Variants in PKHD1L1 observed in about 807,000 individuals in gnomAD.
PKHD1L1 encodes the protein PKHD1 like 1.
PKHD1L1 carries 434 observed loss-of-function variants against 462.9 expected under a neutral mutation model. The observed-to-expected ratio is 0.94, with a 90% CI of 0.87 to 1.02. The LOEUF (loss-of-function observed/expected upper bound fraction) is 1.02. Ranked by LOEUF, PKHD1L1 falls within the 50% of genes least tolerant of loss-of-function variation. The probability of loss-of-function intolerance (pLI) is 0.00; values close to 1 mark genes in which losing one functional copy is unlikely to be tolerated. For synonymous variants in PKHD1L1, 1,781 were observed against 1,750.0 expected, an observed-to-expected ratio of 1.02 and a Z score of -0.44; for missense variants, 5,202 against 5,096.1, an observed-to-expected ratio of 1.02 and a Z score of -0.63.
chr8:109,377,524 G>T (rs1002587804), intron 2 of PKHD1L1, among the ~76,000 whole-genome samples: 2 of 152,056 alleles, frequency 1.3e-5, no homozygotes, highest in African/African-American at 4.8e-5. Flanking sequence ...CGGTTAATTT[G>T]CCTAAAGTAG....
At chr8:109,425,060 T>C (rs1163014667) in intron 23 of PKHD1L1, 25 bp from the exon 24 acceptor site, 10 of 1,520,860 alleles carry the variant, frequency 6.6e-6, no homozygotes, top group Non-Finnish European at 8.8e-6. Flanking sequence ...TTAATCATTT[T>C]ATCAATATTT....
At chr8:109,384,856 C>T (rs564849615) in intron 5 of PKHD1L1, among the ~76,000 whole-genome samples, 1 of 151,858 alleles carries the variant, frequency 6.6e-6, no homozygotes, top group Non-Finnish European at 1.5e-5. Context: ...TTATACATTA[C>T]CTGTTTATCT....
Position 109,435,250 on chromosome 8 carries a change from C to T in PKHD1L1, c.3401C>T (p.Ser1134Phe), listed in dbSNP as rs1815340478. ...GCTGGACATGCCCCCGTTGCTGTGT[C>T]CATGGCTGATGTTGGACTAGCACAG... ...GSAGHAPVAV[S>F]MADVGLAQNV... is the part of the protein sequence containing the mutation. Residue 1134 changes from serine to phenylalanine, a missense_variant, in exon 29 of 78, where the codon TCC becomes TTC. Coordinates refer to ENST00000378402, the MANE Select transcript of PKHD1L1 (RefSeq NM_177531.6). The T allele has an allele frequency of 6.2e-7, 1 of 1,613,822 alleles. No homozygotes were observed. The highest frequency in any genetic ancestry group is 1.3e-5 in the African/African-American group (1 of 75,028).
intron 2 of PKHD1L1, among the ~76,000 whole-genome samples, chr8:109,369,201 C>G (rs889128366): frequency 6.9e-5 from 8 of 116,162 alleles, no homozygotes; most frequent in African/African-American, 1.4e-4. Flanking sequence ...GTCTCAAACT[C>G]CTGACTTCAG....
chr8:109,408,653 G>C (rs903676628), intron 18 of PKHD1L1, among the ~76,000 whole-genome samples: 2 of 152,104 alleles, frequency 1.3e-5, no homozygotes, highest in Non-Finnish European at 2.9e-5. Flanking sequence ...AAATTTTAAG[G>C]CTTCAGCAGA....
intron 20 of PKHD1L1, among the ~76,000 whole-genome samples, chr8:109,413,052 C>T (rs1015417206): frequency 2.0e-5 from 3 of 152,014 alleles, no homozygotes; most frequent in Non-Finnish European, 2.9e-5. Flanking sequence ...ATTTAATCTG[C>T]CTGAATGTTT....
chr8:109,370,991 G>C (rs1187289269), intron 2 of PKHD1L1, among the ~76,000 whole-genome samples: 9 of 152,060 alleles, frequency 5.9e-5, no homozygotes, highest in Non-Finnish European at 1.2e-4. Context: ...GTCTTTATAG[G>C]AGCATGATTT....
intron 28 of PKHD1L1, 138 bp from the exon 29 acceptor site, chr8:109,435,052 A>G: frequency 1.2e-6 from 1 of 803,132 alleles, no homozygotes. Flanking sequence ...CCCACACATT[A>G]ATATATGATT....
intron 37 of PKHD1L1, among the ~76,000 whole-genome samples, chr8:109,444,116 C>CCT (rs1554578264): frequency 0.047 from 3,553 of 74,904 alleles, 128 homozygotes; most frequent in African/African-American, 0.18. Flanking sequence ...TTCATTACCT[C>CCT]CCCCCCCCAA....
chr8:109,422,496 C>G (rs1004548995), intron 23 of PKHD1L1, among the ~76,000 whole-genome samples: 6 of 152,074 alleles, frequency 3.9e-5, no homozygotes, highest in Non-Finnish European at 8.8e-5. Context: ...CTTTTGTATA[C>G]TGGCATTTTT....
At chr8:109,408,019 C>G (rs767849391) in intron 17 of PKHD1L1, 30 bp from the exon 18 acceptor site, 6 of 1,533,270 alleles carry the variant, frequency 3.9e-6, no homozygotes, top group East Asian at 4.6e-5. Context: ...TAGTTAATGT[C>G]TACAAATTCT....
In PKHD1L1 at chr8:109,485,090, A is replaced by G; in HGVS notation, c.9623A>G (p.Gln3208Arg). ...ACAACCACAAGCTACGATTTCCACC[A>G]GACAGAAACAAGAAGTATCGTTAAA... ...VITTTSYDFH[Q>R]TETRSIVKIL... Residue 3208 changes from glutamine (Q) to arginine (R), a missense_variant, in exon 58 of 78, where the codon CAG (glutamine) becomes CGG (arginine). Around this residue, in one of 3 missense-constraint regions of PKHD1L1, gnomAD observed 4,497 missense variants for 4,336.8 expected, o/e 1.04. Transcript: ENST00000378402. 6.2e-7 allele frequency: 1 copy of G among 1,605,038 alleles called. No homozygotes were observed. The highest frequency in any genetic ancestry group is 8.5e-7 in the Non-Finnish European group (1 of 1,175,220).
chr8:109,457,501 G>C (rs1000774676), intron 46 of PKHD1L1, among the ~76,000 whole-genome samples: 2 of 152,102 alleles, frequency 1.3e-5, no homozygotes, highest in Non-Finnish European at 2.9e-5. Context: ...ATTGTTCACT[G>C]TGTCATTGAT....
Position 109,412,287 on chromosome 8 carries a change from A to C in PKHD1L1, c.2108A>C (p.Lys703Thr), listed in dbSNP as rs955048820. The change falls in exon 20 of 78, where the codon AAG (lysine) becomes ACG (threonine). Residue 703 changes from lysine (K) to threonine (T), a missense_variant. By Grantham distance (78) the Lys-to-Thr change is moderately conservative (BLOSUM62 -1). Coordinates refer to ENST00000378402, the MANE Select transcript of PKHD1L1 (RefSeq NM_177531.6). ...TAGGAACATATTAACAGAGGGCAGA[A>C]GACAGCTGAAACCGATGCTTACTGT... is the stretch of plus-strand genomic sequence containing the variant. ...FNLEHINRGQ[K>T]TAETDAYCGR... is the part of the protein sequence containing the mutation. 1.9e-6 allele frequency: 3 copies of C among 1,613,822 alleles called. No individual in the cohort carries two copies. The highest frequency in any genetic ancestry group is 2.5e-6 in the Non-Finnish European group (3 of 1,179,754).
intron 71 of PKHD1L1, among the ~76,000 whole-genome samples, chr8:109,511,316 G>A (rs959450355): frequency 1.3e-5 from 2 of 151,376 alleles, no homozygotes; most frequent in Non-Finnish European, 2.9e-5. Flanking sequence ...TTAGCATTAG[G>A]TATATCTCCT....
chr8:109,414,861 G>T (rs1814052642), intron 21 of PKHD1L1, among the ~76,000 whole-genome samples: 1 of 151,990 alleles, frequency 6.6e-6, no homozygotes, highest in African/African-American at 2.4e-5. Flanking sequence ...GTAGTTAGAT[G>T]GGAAGAAATG....
rs1463583155 is a variant in PKHD1L1 at position 109,419,146 on chromosome 8, A to C, written c.2410A>C (p.Thr804Pro). The C allele has an allele frequency of 1.2e-6, 2 of 1,613,594 alleles. No individual in the cohort carries two copies. Among genetic ancestry groups the C allele is most frequent in the Admixed American group, 1.7e-5 (1 of 60,000 alleles). ...DLLDLVRTKY[T>P]GTNVSLQRIS... Reference sequence around the variant, plus strand: ...TCTGGATCTCGTAAGAACGAAATACACTGGGACAAATGTTTCTCTTCAGAG... The same window carrying C: ...TCTGGATCTCGTAAGAACGAAATACCCTGGGACAAATGTTTCTCTTCAGAG... The change falls in exon 22 of 78, where the codon ACT becomes CCT. Residue 804 changes from threonine (T) to proline (P), a missense_variant. This residue lies in a region of PKHD1L1 where 4,497 missense variants were observed against 4,336.8 expected (regional missense o/e 1.04). Coordinates refer to ENST00000378402, the MANE Select transcript of PKHD1L1 (RefSeq NM_177531.6).
chr8:109,485,462 G>C (rs1026166062), intron 58 of PKHD1L1, among the ~76,000 whole-genome samples: 1 of 151,906 alleles, frequency 6.6e-6, no homozygotes. Context: ...GGTGATTCTT[G>C]TGCACGCTGA....
intron 45 of PKHD1L1, 56 bp downstream of exon 45, chr8:109,454,908 G>T: frequency 1.4e-5 from 21 of 1,539,678 alleles, no homozygotes; most frequent in Non-Finnish European, 1.8e-5. Context: ...CAGGACACCA[G>T]GGATAATTAT....
Sources: allele counts gnomAD v4.1 joint callset (sites outside exome capture counted in the v4.1 genomes callset), GRCh38; gene constraint gnomAD v4.1.1; regional missense constraint gnomAD v4.1.1; transcripts MANE v1.5; gene names NCBI Gene and HGNC (gene_info 2026-07-23, HGNC 2026-07-21).